Variants in FAT1 observed in about 807,000 individuals in gnomAD.
The protein encoded by FAT1 is FAT atypical cadherin 1.
In FAT1, 171 loss-of-function variants were observed where a neutral mutation model predicts 329.8. That is an observed-to-expected ratio of 0.52 (90% CI 0.46 to 0.59). The LOEUF (loss-of-function observed/expected upper bound fraction) is 0.59. FAT1 is among the 20% of genes least tolerant of loss of function. The pLI is 0.00. For synonymous variants in FAT1, 2,233 were observed against 2,228.6 expected (o/e 1.00, Z -0.06); for missense variants, 5,672 against 5,774.4 (o/e 0.98, Z 0.57).
chr4:186,638,599 A>T (rs1740945185), intron 4 of FAT1, among the ~76,000 whole-genome samples: 2 of 148,648 alleles, frequency 1.3e-5, no homozygotes, highest in Admixed American at 6.8e-5. Flanking sequence ...TCCAGAGGGT[A>T]TTCCCAGTTC....
Position 186,636,813 on chromosome 4 carries a change from C to T in FAT1, c.3744G>A (p.Lys1248=), listed in dbSNP as rs1271324492. The change falls in exon 5 of 27, where the codon AAG becomes AAA. Residue 1248 remains lysine (K), a synonymous_variant. Coordinates refer to ENST00000441802, the MANE Select transcript of FAT1 (RefSeq NM_005245.4). The part of the protein sequence containing the change: ...ENDNKPQFLQ[K]FYKIRLPERE... ...GCTCAGGGAGTCTGATTTTGTAGAACTTTTGCAGAAACTGAGGTTTGTTGT... is the reference window on the plus strand; with the variant it reads ...GCTCAGGGAGTCTGATTTTGTAGAATTTTTGCAGAAACTGAGGTTTGTTGT... 47 of 1,613,818 alleles carry T rather than the reference C, an allele frequency of 2.9e-5. No individual in the cohort carries two copies. Among genetic ancestry groups the T allele is most frequent in the African/African-American group, 1.1e-4 (8 of 74,900 alleles).
At chr4:186,644,875 T>C (rs569454006) in intron 3 of FAT1, among the ~76,000 whole-genome samples, 1 of 152,334 alleles carries the variant, frequency 6.6e-6, no homozygotes, top group Admixed American at 6.5e-5. Context: ...CAGTCAACTG[T>C]GTTGTACTGT....
Position 186,619,998 on chromosome 4 carries a change from C to G in FAT1, c.6588G>C (p.Gln2196His), listed in dbSNP as rs1333453712. ...GCACGTGGACCACAGGGCTGTGCAC[C>G]TGGATGCTCTCTGCAATCTCTGCAC... Reference protein sequence around the residue: ...FYSAEIAESIQVHSPVVHVQA... With the variant: ...FYSAEIAESIHVHSPVVHVQA... Residue 2196 changes from glutamine (Q) to histidine (H), a missense_variant, in exon 10 of 27, where the codon CAG becomes CAC. Coordinates refer to ENST00000441802, the MANE Select transcript of FAT1 (RefSeq NM_005245.4). 6.2e-7 allele frequency: 1 copy of G among 1,614,010 alleles called. No individual in the cohort carries two copies. Among genetic ancestry groups the G allele is most frequent in the East Asian group, 2.2e-5 (1 of 44,884 alleles).
chr4:186,603,125 G>T (rs1270242870), intron 19 of FAT1, 51 bp downstream of exon 19: 1 of 1,607,782 alleles, frequency 6.2e-7, no homozygotes, highest in Non-Finnish European at 8.5e-7. Context: ...GGCTTCAAAG[G>T]CCGTCTGAAA....
intron 17 of FAT1, among the ~76,000 whole-genome samples, chr4:186,604,988 G>A (rs1230539723): frequency 6.6e-6 from 1 of 151,940 alleles, no homozygotes; most frequent in Non-Finnish European, 1.5e-5. Flanking sequence ...GGAGGCTGAG[G>A]CGGGCGGATC....
intron 2 of FAT1, among the ~76,000 whole-genome samples, chr4:186,689,495 C>T (rs1743642815): frequency 6.6e-6 from 1 of 152,138 alleles, no homozygotes; most frequent in South Asian, 2.1e-4. Flanking sequence ...TTTTTCCACA[C>T]TCATTAACCA....
At chr4:186,643,975 T>C (rs1018660056) in intron 3 of FAT1, among the ~76,000 whole-genome samples, 3 of 152,202 alleles carry the variant, frequency 2.0e-5, no homozygotes, top group Non-Finnish European at 4.4e-5. Context: ...CAGAAAGATA[T>C]ATACTTAAAG....
At position 186,709,159 on chromosome 4, in the gene FAT1, G is replaced by T. The variant is rs200782651; in HGVS notation, c.669C>A (p.Leu223=). The change falls in exon 2 of 27, where the codon CTC becomes CTA. Residue 223 remains leucine, a synonymous_variant. Transcript: ENST00000441802. The stretch of plus-strand genomic sequence containing the variant: ...ACAACTTCATGCCACGGTCCGCAGC[G>T]AGGATTTCCATCTCATAGAGCTTGG... The part of the protein sequence containing the change: ...LETKLYEMEI[L]AADRGMKLYG... 6.2e-7 allele frequency: 1 copy of T among 1,613,966 alleles called. No homozygotes were observed. The highest frequency in any genetic ancestry group is 8.5e-7 in the Non-Finnish European group (1 of 1,179,884).
chr4:186,637,686 G>A (rs1466376107), intron 4 of FAT1, among the ~76,000 whole-genome samples: 3 of 152,070 alleles, frequency 2.0e-5, no homozygotes, highest in East Asian at 1.9e-4. Context: ...AAATGTTCAC[G>A]TTTACGTCAA....
In FAT1 at chr4:186,706,841, A is replaced by G. The variant is rs2126683480; in HGVS notation, c.2987T>C (p.Val996Ala). The change falls in exon 2 of 27, where the codon GTG (valine) becomes GCG (alanine). Residue 996 changes from valine to alanine, a missense_variant. This residue lies in a region of FAT1 where 3,966 missense variants were observed against 3,915.2 expected (regional missense o/e 1.01). Coordinates refer to ENST00000441802, the MANE Select transcript of FAT1 (RefSeq NM_005245.4). Reference protein sequence around the residue: ...VQQLDFEKKQVYNLTVRAKDK... With the variant: ...VQQLDFEKKQAYNLTVRAKDK... ...TTTGGCCCTCACAGTGAGATTATAC[A>G]CTTGCTTCTTCTCAAAGTCCAACTG... 6.2e-7 allele frequency: 1 copy of G among 1,613,786 alleles called. No homozygotes were observed. The highest frequency in any genetic ancestry group is 1.3e-5 in the African/African-American group (1 of 74,954).
chr4:186,611,602 T>C lies in FAT1; in HGVS notation c.9637A>G (p.Thr3213Ala), dbSNP rs764364259. The change falls in exon 14 of 27, where the codon ACT becomes GCT. Residue 3213 changes from threonine (T) to alanine (A), a missense_variant. Around this residue, in one of 2 missense-constraint regions of FAT1, gnomAD observed 1,706 missense variants for 1,859.1 expected, o/e 0.92. Coordinates refer to ENST00000441802, the MANE Select transcript of FAT1 (RefSeq NM_005245.4). ...DQGLPRRLTA[T>A]GTVIVSVLDI... is the part of the protein sequence containing the mutation. Reference sequence around the variant, plus strand: ...AGAACTGATACAATCACAGTGCCAGTGGCAGTCAGCCTCCTTGGCAAGCCT... The same window carrying C: ...AGAACTGATACAATCACAGTGCCAGCGGCAGTCAGCCTCCTTGGCAAGCCT... The C allele has an allele frequency of 3.1e-6, 5 of 1,613,676 alleles. No homozygotes were observed. The African/African-American group carries it at 6.7e-5, about 22-fold the overall frequency.
At position 186,595,787 on chromosome 4, in the gene FAT1, G is replaced by A. The variant is rs535865840; in HGVS notation, c.13040C>T (p.Pro4347Leu). ...TGGCTGGGAAGGCTTTTCCTCTAGA[G>A]GCTTCTTGGAAAGACAGGGATCAAG... ...VDLDPCLSKK[P>L]LEEKPSQPYS... The change falls in exon 26 of 27, where the codon CCT becomes CTT. Residue 4347 changes from proline (P) to leucine (L), a missense_variant. Coordinates refer to ENST00000441802, the MANE Select transcript of FAT1 (RefSeq NM_005245.4). 2.2e-5 allele frequency: 35 copies of A among 1,613,918 alleles called. 1 individual carries two copies. The South Asian group carries it at 3.6e-4, about 17-fold the overall frequency.
intron 9 of FAT1, among the ~76,000 whole-genome samples, chr4:186,624,388 T>A (rs1279341537): frequency 6.6e-6 from 1 of 152,154 alleles, no homozygotes; most frequent in Non-Finnish European, 1.5e-5. Flanking sequence ...ACTGGCAGAG[T>A]GGCACCCTCC....
At position 186,609,309 on chromosome 4, in the gene FAT1, A is replaced by G. The variant is rs767662369; in HGVS notation, c.10080T>C (p.Asp3360=). 3 of 1,614,032 alleles carry G rather than the reference A, an allele frequency of 1.9e-6. No homozygotes were observed. Among genetic ancestry groups the G allele is most frequent in the Admixed American group, 1.7e-5 (1 of 60,030 alleles). ...GGCTGTTGGAAGGTCCATCGGCATC[A>G]TCGGCCATAACCTAGAACACACCAC... is the stretch of plus-strand genomic sequence containing the variant. ...LEQSVITVMA[D]DADGPSNSHI... is the part of the protein sequence containing the mutation. The change falls in exon 16 of 27, where the codon GAT becomes GAC. Residue 3360 remains aspartate, a synonymous_variant. Coordinates refer to ENST00000441802, the MANE Select transcript of FAT1 (RefSeq NM_005245.4).
upstream of FAT1, among the ~76,000 whole-genome samples, chr4:186,724,073 C>A (rs1243852030): frequency 1.3e-5 from 2 of 149,362 alleles, no homozygotes; most frequent in Non-Finnish European, 3.0e-5. The surrounding 1 kb of genome is among the most constrained non-coding windows in gnomAD (Gnocchi z 5.3). Context: ...AGCGCGGCTC[C>A]GAGGGGCAGG....
At chr4:186,678,499 T>C (rs1029618843) in intron 2 of FAT1, among the ~76,000 whole-genome samples, 28 of 149,136 alleles carry the variant, frequency 1.9e-4, no homozygotes, top group African/African-American at 6.3e-4. Context: ...ACAATGTCAT[T>C]ATAGACAAAT....
In FAT1 at chr4:186,707,037, T is replaced by G. The variant is rs755649035; in HGVS notation, c.2791A>C (p.Asn931His). 2.5e-6 allele frequency: 4 copies of G among 1,613,860 alleles called. No individual in the cohort carries two copies. The South Asian group carries it at 3.3e-5, about 13-fold the overall frequency. The change falls in exon 2 of 27, where the codon AAT (asparagine) becomes CAT (histidine). Residue 931 changes from asparagine to histidine, a missense_variant. This residue lies in a region of FAT1 where 3,966 missense variants were observed against 3,915.2 expected (regional missense o/e 1.01). Coordinates refer to ENST00000441802, the MANE Select transcript of FAT1 (RefSeq NM_005245.4). Reference protein sequence around the residue: ...NDNPPTFIPPNYRVKVREDLP... With the variant: ...NDNPPTFIPPHYRVKVREDLP... ...TCCTCTCGGACTTTCACACGATAAT[T>G]AGGTGGAATAAATGTAGGTGGGTTG...
intron 2 of FAT1, among the ~76,000 whole-genome samples, chr4:186,669,416 C>G (rs327076): frequency 0.53 from 80,855 of 152,156 alleles, 24,594 homozygotes; most frequent in East Asian, 0.92. Context: ...GGTTGAGACA[C>G]GCTTGTTACG....
chr4:186,724,110 T>TA (rs1745618288), upstream of FAT1, among the ~76,000 whole-genome samples: 1 of 144,440 alleles, frequency 6.9e-6, no homozygotes, highest in African/African-American at 2.7e-5. The surrounding 1 kb of genome is among the most constrained non-coding windows in gnomAD (Gnocchi z 5.3). Flanking sequence ...CGAGGTTAGT[T>TA]ACGGCCAGCC....
Sources: allele counts gnomAD v4.1 joint callset (sites outside exome capture counted in the v4.1 genomes callset), GRCh38; gene constraint gnomAD v4.1.1; regional missense constraint gnomAD v4.1.1; non-coding constraint Gnocchi (gnomAD v3.1); transcripts MANE v1.5; gene names NCBI Gene and HGNC (gene_info 2026-07-23, HGNC 2026-07-21).